ABCB1: variants seen among roughly 807,000 people sequenced by gnomAD.
ABCB1 encodes the protein ATP binding cassette subfamily B member 1, also known as ATP-dependent translocase ABCB1.
ABCB1 carries 69 observed loss-of-function variants against 142.0 expected under a neutral mutation model. That is an observed-to-expected ratio of 0.49 (90% CI 0.40 to 0.59). The LOEUF (loss-of-function observed/expected upper bound fraction) is 0.59, where lower values mean the gene tolerates loss of function less well. Ranked by LOEUF, ABCB1 falls within the 20% of genes least tolerant of loss-of-function variation. The probability of loss-of-function intolerance (pLI) is 0.00; values close to 1 mark genes in which losing one functional copy is unlikely to be tolerated. For synonymous variants in ABCB1, 532 were observed against 539.2 expected, an observed-to-expected ratio of 0.99 and a Z score of 0.18; for missense variants, 1,326 against 1,554.7, an observed-to-expected ratio of 0.85 and a Z score of 2.47.
At chr7:87,540,850 T>G (rs1399742839) in intron 18 of ABCB1, among the ~76,000 whole-genome samples, 2 of 152,230 alleles carry the variant, frequency 1.3e-5, no homozygotes, top group Non-Finnish European at 2.9e-5. Context: ...GTTTCCTACA[T>G]TTTTTGTTGG....
chr7:87,521,853 T>C, intron 21 of ABCB1: 1 of 771,952 alleles, frequency 1.3e-6, no homozygotes. Flanking sequence ...ATGGAAAAAT[T>C]GAAGTGATTG....
At chr7:87,519,096 G>A (rs543443886) in intron 23 of ABCB1, 1 of 575,942 alleles carries the variant, frequency 1.7e-6, no homozygotes, top group African/African-American at 1.9e-5. Flanking sequence ...TCACAGATTT[G>A]AAAAGGTCAA....
At chr7:87,710,723 T>A in intron 1 of ABCB1, 1 of 847,522 alleles carries the variant, frequency 1.2e-6, no homozygotes, top group Non-Finnish European at 1.9e-6. Flanking sequence ...GAAATCAGAA[T>A]AGGATGAAGA....
At chr7:87,523,392 T>C (rs527695180) in intron 21 of ABCB1, among the ~76,000 whole-genome samples, 1 of 152,062 alleles carries the variant, frequency 6.6e-6, no homozygotes, top group South Asian at 2.1e-4. Flanking sequence ...GTTTGGGAGA[T>C]GGAGGCAGGT....
intron 1 of ABCB1, among the ~76,000 whole-genome samples, chr7:87,639,311 C>T (rs1293405501): frequency 6.6e-6 from 1 of 152,034 alleles, no homozygotes; most frequent in Non-Finnish European, 1.5e-5. Flanking sequence ...CTTTATGATG[C>T]AGTATATGGT....
intron 1 of ABCB1, among the ~76,000 whole-genome samples, chr7:87,679,585 T>C (rs768048111): frequency 3.3e-5 from 5 of 150,170 alleles, no homozygotes; most frequent in Non-Finnish European, 7.4e-5. Context: ...AGGCTAGGTC[T>C]CACTATGTTG....
intron 4 of ABCB1, among the ~76,000 whole-genome samples, chr7:87,585,301 A>G (rs1446358641): frequency 6.6e-6 from 1 of 152,132 alleles, no homozygotes; most frequent in Non-Finnish European, 1.5e-5. Context: ...CTTTTTCTAC[A>G]TATCTCTGCT....
At chr7:87,620,438 G>A (rs1375010559) in intron 1 of ABCB1, among the ~76,000 whole-genome samples, 1 of 152,130 alleles carries the variant, frequency 6.6e-6, no homozygotes, top group Non-Finnish European at 1.5e-5. Context: ...GATTACAGGC[G>A]AGTAACTCGT....
intron 1 of ABCB1, among the ~76,000 whole-genome samples, chr7:87,656,627 C>T (rs965792583): frequency 2.6e-5 from 4 of 152,044 alleles, no homozygotes; most frequent in African/African-American, 9.7e-5. Context: ...AGAGGATACT[C>T]ATTTTCCAAA....
intron 1 of ABCB1, among the ~76,000 whole-genome samples, chr7:87,621,346 G>C (rs1303700438): frequency 6.6e-6 from 1 of 152,078 alleles, no homozygotes; most frequent in Non-Finnish European, 1.5e-5. Flanking sequence ...TCCAGCAGTA[G>C]ACTAAAATTG....
At chr7:87,630,508 T>C (rs889353140) in intron 1 of ABCB1, among the ~76,000 whole-genome samples, 1 of 152,094 alleles carries the variant, frequency 6.6e-6, no homozygotes, top group Non-Finnish European at 1.5e-5. Flanking sequence ...AGTAGGTAAA[T>C]GGAACCATAA....
chr7:87,532,255 A>T (rs1816087747), intron 20 of ABCB1, among the ~76,000 whole-genome samples: 1 of 152,146 alleles, frequency 6.6e-6, no homozygotes, highest in Non-Finnish European at 1.5e-5. Flanking sequence ...AAGCCATTCC[A>T]AATGCCTGCC....
At chr7:87,577,771 G>T (rs1818334360) in intron 4 of ABCB1, among the ~76,000 whole-genome samples, 1 of 152,030 alleles carries the variant, frequency 6.6e-6, no homozygotes, top group Non-Finnish European at 1.5e-5. Context: ...GTTAATTGGA[G>T]ATTTTTCCTA....
intron 17 of ABCB1, among the ~76,000 whole-genome samples, chr7:87,542,686 C>T (rs922074242): frequency 6.6e-6 from 1 of 150,546 alleles, no homozygotes; most frequent in Non-Finnish European, 1.5e-5. Flanking sequence ...GATGACACCA[C>T]AGTCTACCCC....
intron 1 of ABCB1, among the ~76,000 whole-genome samples, chr7:87,656,363 G>A (rs996659313): frequency 8.5e-5 from 13 of 152,084 alleles, no homozygotes; most frequent in Admixed American, 5.9e-4. Context: ...AATACGGTAT[G>A]CATTAGTAGT....
chr7:87,665,603 T>G (rs1245034729), intron 1 of ABCB1, among the ~76,000 whole-genome samples: 1 of 152,078 alleles, frequency 6.6e-6, no homozygotes, highest in Non-Finnish European at 1.5e-5. Flanking sequence ...GTAAATTGCA[T>G]TTCATGGGGT....
intron 8 of ABCB1, among the ~76,000 whole-genome samples, chr7:87,558,640 T>A (rs1817415949): frequency 6.6e-6 from 1 of 152,148 alleles, no homozygotes; most frequent in Non-Finnish European, 1.5e-5. Flanking sequence ...TTTTATTTTT[T>A]AAATTGACAG....
At chr7:87,547,392 T>C (rs1816829929) in intron 14 of ABCB1, among the ~76,000 whole-genome samples, 1 of 152,274 alleles carries the variant, frequency 6.6e-6, no homozygotes, top group East Asian at 1.9e-4. Flanking sequence ...TGTTTTTATT[T>C]ATAATTTAAT....
rs1201676452 is a variant in ABCB1 at position 87,550,762 on chromosome 7, C to T, written c.1076G>A (p.Arg359Lys). The change falls in exon 10 of 28, where the codon AGA (arginine) becomes AAA (lysine). Residue 359 changes from arginine to lysine, a missense_variant. By Grantham distance (26) the Arg-to-Lys change is conservative. Coordinates refer to ENST00000622132, the MANE Select transcript of ABCB1 (RefSeq NM_001348946.2). ...SPSIEAFANA[R>K]GAAYEIFKII... ...CTTGAAGATTTCATAAGCTGCTCCT[C>T]TTGCATTTGCAAATGCTTCAATGCT... 1.2e-6 allele frequency: 2 copies of T among 1,613,886 alleles called. No individual in the cohort carries two copies. Among genetic ancestry groups the T allele is most frequent in the Non-Finnish European group, 1.7e-6 (2 of 1,179,772 alleles).
Sources: allele counts gnomAD v4.1 joint callset (sites outside exome capture counted in the v4.1 genomes callset), GRCh38; gene constraint gnomAD v4.1.1; transcripts MANE v1.5; gene names NCBI Gene and HGNC (gene_info 2026-07-23, HGNC 2026-07-21).